GADL1: variants seen among roughly 807,000 people sequenced by gnomAD.
GADL1 encodes the protein GAD like acidic amino acid decarboxylase 1, also known as acidic amino acid decarboxylase GADL1.
A neutral mutation model predicts 69.5 loss-of-function variants in GADL1; 71 were observed. The ratio of observed to expected loss-of-function variants is 1.02; its 90% CI spans 0.84 to 1.25. The LOEUF is 1.25. Among genes scored for constraint, GADL1 ranks in the 50% most tolerant of loss-of-function variants. The pLI is 0.00. For synonymous variants in GADL1, 254 were observed against 214.4 expected, an observed-to-expected ratio of 1.18 and a Z score of -1.62; for missense variants, 737 against 631.8, an observed-to-expected ratio of 1.17 and a Z score of -1.79.
chr3:30,763,778 T>TATA (rs141185884), intron 14 of GADL1, among the ~76,000 whole-genome samples: 1 of 151,612 alleles, frequency 6.6e-6, no homozygotes, highest in Non-Finnish European at 1.5e-5. Context: ...GACCATATCT[T>TATA]TATCTATCTC....
chr3:30,768,892 A>T (rs1277666845), intron 14 of GADL1, among the ~76,000 whole-genome samples: 1 of 152,110 alleles, frequency 6.6e-6, no homozygotes, highest in Non-Finnish European at 1.5e-5. Flanking sequence ...GAACGAAAAC[A>T]TGAGCAAAAG....
intron 14 of GADL1, 32 bp downstream of exon 14, chr3:30,778,147 A>AT (rs1315566157): frequency 1.6e-6 from 2 of 1,276,732 alleles, no homozygotes; most frequent in African/African-American, 3.0e-5. Context: ...CTACTTCATC[A>AT]AAAAGAAAAA....
At chr3:30,838,854 G>A (rs2201436) in intron 9 of GADL1, 143 bp downstream of exon 9, 5 of 557,974 alleles carry the variant, frequency 9.0e-6, no homozygotes, top group Admixed American at 3.5e-5. Flanking sequence ...TTACAAGAAA[G>A]TGGCATACTT....
At chr3:30,812,287 A>G (rs941995533) in intron 11 of GADL1, among the ~76,000 whole-genome samples, 15 of 152,134 alleles carry the variant, frequency 9.9e-5, no homozygotes, top group African/African-American at 3.6e-4. Context: ...AACCTATTCA[A>G]CCTTTTGCTT....
At chr3:30,866,840 A>G (rs1309777703) in intron 1 of GADL1, among the ~76,000 whole-genome samples, 1 of 152,080 alleles carries the variant, frequency 6.6e-6, no homozygotes, top group Non-Finnish European at 1.5e-5. Context: ...GCCATGTCTC[A>G]TTTTACTGAC....
intron 14 of GADL1, among the ~76,000 whole-genome samples, chr3:30,758,208 A>G (rs1336201761): frequency 6.6e-6 from 1 of 152,174 alleles, no homozygotes; most frequent in Non-Finnish European, 1.5e-5. Flanking sequence ...GTACATTCCT[A>G]TCTGCCAAGT....
intron 14 of GADL1, among the ~76,000 whole-genome samples, chr3:30,770,042 C>G (rs1559494583): frequency 9.0e-6 from 1 of 111,146 alleles, no homozygotes; most frequent in Non-Finnish European, 1.8e-5. Flanking sequence ...AAAAATAAGA[C>G]CCGGCAACCC....
chr3:30,853,346 T>C lies in GADL1; in HGVS notation c.428+1353A>G, dbSNP rs1340393628. 2.0e-5 allele frequency among the ~76,000 whole-genome samples: 3 copies of C among 149,692 alleles called. No individual in the cohort carries two copies. In the Admixed American group the frequency reaches 2.1e-4, roughly 10 times the overall value. On this transcript the variant is annotated intron_variant, in intron 4 of 14. Coordinates refer to ENST00000282538, the MANE Select transcript of GADL1 (RefSeq NM_207359.3). ...GCACCCAGGTATCAATACATTTTTA[T>C]AAAATTCTCAAGTGATTTTCATGAA... is the stretch of plus-strand genomic sequence containing the variant.
rs1423327625 is a variant in GADL1 at position 30,854,440 on chromosome 3, A to T, written c.428+259T>A. On this transcript the variant is annotated intron_variant, in intron 4 of 14. Coordinates refer to ENST00000282538, the MANE Select transcript of GADL1 (RefSeq NM_207359.3). ...AAAATGACTTTTCATGCAAGAACAA[A>T]TAAAAAATTGCCTAATCAATTTTCT... 2.0e-5 allele frequency among the ~76,000 whole-genome samples: 3 copies of T among 152,140 alleles called. No homozygotes were observed. The East Asian group carries it at 5.8e-4, about 29-fold the overall frequency.
At chr3:30,886,866 C>T (rs1240316670) in intron 1 of GADL1, among the ~76,000 whole-genome samples, 1 of 152,140 alleles carries the variant, frequency 6.6e-6, no homozygotes, top group African/African-American at 2.4e-5. Context: ...TACATTGGAG[C>T]TTCGGTCACA....
chr3:30,851,823 C>T (rs1160121787), intron 4 of GADL1, among the ~76,000 whole-genome samples: 2 of 152,096 alleles, frequency 1.3e-5, no homozygotes, highest in East Asian at 1.9e-4. Flanking sequence ...TTCCCCAGGT[C>T]GTCACTCATG....
chr3:30,892,742 G>T (rs79298012), intron 1 of GADL1, among the ~76,000 whole-genome samples: 123 of 152,268 alleles, frequency 8.1e-4, no homozygotes, highest in African/African-American at 2.8e-3. Context: ...CAGGGTTAAG[G>T]TCAGATAAAA....
intron 14 of GADL1, among the ~76,000 whole-genome samples, chr3:30,752,052 C>A (rs1192812910): frequency 1.3e-5 from 2 of 152,096 alleles, no homozygotes; most frequent in Non-Finnish European, 2.9e-5. Context: ...TAAAGGCTAC[C>A]CAGGCCCATG....
chr3:30,839,111 C>A lies in GADL1; in HGVS notation c.789G>T (p.Gly263=), dbSNP rs750146052. The A allele has an allele frequency of 2.4e-5, 38 of 1,577,028 alleles. No homozygotes were observed. The African/African-American group carries it at 4.7e-4, about 19-fold the overall frequency. ...TGGCACAGACAAGAAACGGTGCTGCCCCCTGTAAGAAGGATCCACACACAC... is the reference window on the plus strand; with the variant it reads ...TGGCACAGACAAGAAACGGTGCTGCACCCTGTAAGAAGGATCCACACACAC... ...EKQVWQARKE[G]AAPFLVCATS... The change falls in exon 9 of 15, where the codon GGG becomes GGT. Residue 263 remains glycine, a splice_region_variant and synonymous_variant. Coordinates refer to ENST00000282538, the MANE Select transcript of GADL1 (RefSeq NM_207359.3).
chr3:30,741,414 C>G (rs1246572566), intron 14 of GADL1, among the ~76,000 whole-genome samples: 1 of 151,948 alleles, frequency 6.6e-6, no homozygotes, highest in African/African-American at 2.4e-5. Flanking sequence ...ATGGAACAAG[C>G]CTGCCTTTCC....
chr3:30,886,214 TAAG>T (rs1401106145), intron 1 of GADL1, among the ~76,000 whole-genome samples: 2 of 152,120 alleles, frequency 1.3e-5, no homozygotes, highest in African/African-American at 4.8e-5. Flanking sequence ...GATCGCCTAA[TAAG>T]AAGCCCAATA....
At chr3:30,764,685 A>G (rs140243292) in intron 14 of GADL1, among the ~76,000 whole-genome samples, 1,658 of 152,306 alleles carry the variant, frequency 0.011, 29 homozygotes, top group African/African-American at 0.038. Flanking sequence ...ATCATCTTAC[A>G]CTTAAGAATT....
intron 13 of GADL1, among the ~76,000 whole-genome samples, chr3:30,782,055 C>T (rs1446222744): frequency 6.6e-6 from 1 of 152,154 alleles, no homozygotes. Context: ...GAAAATGACA[C>T]TTTCTGAACT....
chr3:30,747,243 C>T (rs1339491520), intron 14 of GADL1, among the ~76,000 whole-genome samples: 2 of 152,136 alleles, frequency 1.3e-5, no homozygotes, highest in South Asian at 2.1e-4. Flanking sequence ...TTGTTACCTC[C>T]CAGGGATTTA....
Sources: gnomAD v4.1 joint callset for allele counts (sites outside exome capture counted in the v4.1 genomes callset) on GRCh38, gnomAD v4.1.1 for gene constraint, MANE v1.5 for transcripts, NCBI Gene and HGNC (gene_info 2026-07-23, HGNC 2026-07-21) for gene names.